USP37: variants seen among roughly 807,000 people sequenced by gnomAD.
The protein encoded by USP37 is ubiquitin carboxyl-terminal hydrolase 37.
A neutral mutation model predicts 124.0 loss-of-function variants in USP37; 27 were observed. The ratio of observed to expected loss-of-function variants is 0.22; its 90% CI spans 0.16 to 0.30. The LOEUF is 0.30. Among genes scored for constraint, USP37 ranks in the 10% least tolerant of loss-of-function variants. The probability of loss-of-function intolerance (pLI) is 1.00; values close to 1 mark genes in which losing one functional copy is unlikely to be tolerated. For synonymous variants in USP37, 365 were observed against 388.0 expected (o/e 0.94, Z 0.70); for missense variants, 889 against 1,140.4 (o/e 0.78, Z 3.17).
rs565400008 is a variant in USP37, at chr2:218,471,967, T to G, written c.2299+2663A>C. Among the ~76,000 whole-genome samples, 11 of 151,422 alleles carry G rather than the reference T, an allele frequency of 7.3e-5. No individual in the cohort carries two copies. The South Asian group carries it at 2.3e-3, about 32-fold the overall frequency. ...ATCACTTGAACCTGGGAGGCAGAGG[T>G]TGCAGTGAGCTGAGATCATGCCACT... On this transcript the variant is annotated intron_variant, in intron 20 of 25. Transcript: ENST00000258399.
intron 2 of USP37, among the ~76,000 whole-genome samples, chr2:218,562,417 C>G (rs1484509102): frequency 6.6e-6 from 1 of 152,158 alleles, no homozygotes; most frequent in East Asian, 1.9e-4. Flanking sequence ...ATTAAAATTA[C>G]TGTTCAACTT....
At chr2:218,553,427 A>C (rs62193785) in intron 5 of USP37, 126 bp downstream of exon 5, 16 of 839,242 alleles carry the variant, frequency 1.9e-5, no homozygotes, top group Non-Finnish European at 2.5e-5. Flanking sequence ...TTCAGGAATA[A>C]ATCTTATTTG....
chr2:218,551,259 T>C (rs1259441072), intron 5 of USP37, among the ~76,000 whole-genome samples: 2 of 152,244 alleles, frequency 1.3e-5, no homozygotes, highest in Non-Finnish European at 2.9e-5. Context: ...CTCTGCAAAG[T>C]ATATAATAAC....
chr2:218,459,093 A>G (rs894613522), intron 23 of USP37, among the ~76,000 whole-genome samples: 3 of 145,112 alleles, frequency 2.1e-5, no homozygotes, highest in Admixed American at 6.9e-5. Flanking sequence ...AAAAAAAAAA[A>G]CAGTTCAATG....
chr2:218,493,058 C>A (rs558020984), intron 14 of USP37, among the ~76,000 whole-genome samples: 2 of 151,986 alleles, frequency 1.3e-5, no homozygotes, highest in South Asian at 2.1e-4. Flanking sequence ...TATTAATACA[C>A]TGAATTGCCT....
chr2:218,506,431 C>T (rs180862593), intron 11 of USP37, among the ~76,000 whole-genome samples: 6 of 150,272 alleles, frequency 4.0e-5, no homozygotes, highest in Non-Finnish European at 5.9e-5. Context: ...GCTGGGATTA[C>T]GGGCACACGC....
At chr2:218,457,545 T>C (rs971626895) in intron 23 of USP37, among the ~76,000 whole-genome samples, 14 of 152,148 alleles carry the variant, frequency 9.2e-5, no homozygotes, top group African/African-American at 2.2e-4. Flanking sequence ...TGAATGCACA[T>C]AGTAACTATA....
In USP37 at chr2:218,476,799, A is replaced by G. The variant is rs544971047; in HGVS notation, c.2043+41T>C. The G allele has an allele frequency of 3.1e-5, 49 of 1,574,336 alleles. 1 individual carries two copies. In the South Asian group the frequency reaches 5.8e-4, roughly 19 times the overall value. ...GACATTTGTTTGGACAGTAAGAGATAAACAAATCTTTGTCAGATGTTTTAA... is the reference window on the plus strand; with the variant it reads ...GACATTTGTTTGGACAGTAAGAGATGAACAAATCTTTGTCAGATGTTTTAA... On this transcript the variant is annotated intron_variant, in intron 19 of 25. Transcript: ENST00000258399.
At chr2:218,566,579 T>C (rs1451385096) in intron 1 of USP37, among the ~76,000 whole-genome samples, 1 of 152,216 alleles carries the variant, frequency 6.6e-6, no homozygotes, top group Non-Finnish European at 1.5e-5. Flanking sequence ...AGTATTGAGT[T>C]GATCAGCTTA....
Position 218,488,366 on chromosome 2 carries a change from G to A in USP37, c.1528C>T (p.Pro510Ser), listed in dbSNP as rs149493650. 1 of 1,612,830 alleles carries A rather than the reference G, an allele frequency of 6.2e-7. No homozygotes were observed. The highest frequency in any genetic ancestry group is 8.5e-7 in the Non-Finnish European group (1 of 1,179,524). The change falls in exon 15 of 26, where the codon CCT becomes TCT. Residue 510 changes from proline (P) to serine (S), a missense_variant. Coordinates refer to ENST00000258399, the MANE Select transcript of USP37 (RefSeq NM_020935.3). ...GGAGGGAGTGGTTTTTTCCTACGAG[G>A]AAGGTCAATAGAGAGGTCATTAAAC... ...EQFNDLSIDL[P>S]RRKKPLPPRS...
chr2:218,512,228 T>C (rs932022645), intron 10 of USP37, among the ~76,000 whole-genome samples: 2 of 152,034 alleles, frequency 1.3e-5, no homozygotes, highest in Non-Finnish European at 2.9e-5. Flanking sequence ...AAATTAAGGC[T>C]GGGCACGGTG....
chr2:218,497,659 T>G, intron 13 of USP37, 75 bp downstream of exon 13: 1 of 1,581,394 alleles, frequency 6.3e-7, no homozygotes, highest in Non-Finnish European at 8.6e-7. Context: ...CACCTAGGCC[T>G]CCCAAAGTGC....
chr2:218,470,504 T>C (rs889982104), intron 20 of USP37, among the ~76,000 whole-genome samples: 6 of 152,244 alleles, frequency 3.9e-5, no homozygotes, highest in African/African-American at 1.2e-4. Context: ...AATTGTTTGC[T>C]TAAAATATCC....
Position 218,509,078 on chromosome 2 carries a change from T to C in USP37, c.1025+901A>G, listed in dbSNP as rs561546437. Among the ~76,000 whole-genome samples the C allele has an allele frequency of 1.2e-4, 19 of 152,292 alleles. No individual in the cohort carries two copies. The South Asian group carries it at 3.9e-3, about 32-fold the overall frequency. On this transcript the variant is annotated intron_variant, in intron 11 of 25. Transcript: ENST00000258399. ...CCAACAAGCATTAAAAACATACATA[T>C]GTGTATAACGATCTTCACTCTAGCC...
At chr2:218,562,125 G>T (rs1244563818) in intron 2 of USP37, among the ~76,000 whole-genome samples, 1 of 152,170 alleles carries the variant, frequency 6.6e-6, no homozygotes, top group Admixed American at 6.5e-5. Flanking sequence ...TTCATTACCT[G>T]CTTTTGCACT....
At chr2:218,520,127 G>A (rs758486515) in intron 10 of USP37, among the ~76,000 whole-genome samples, 7 of 151,608 alleles carry the variant, frequency 4.6e-5, no homozygotes, top group Middle Eastern at 3.4e-3. Flanking sequence ...TAGTAAAGAC[G>A]AGGTTTCACC....
chr2:218,494,564 T>C (rs678814), intron 14 of USP37, among the ~76,000 whole-genome samples: 92,249 of 152,052 alleles, frequency 0.61, 28,179 homozygotes, highest in East Asian at 0.78. Context: ...CACAGAGTAA[T>C]AGGATATGAT....
chr2:218,499,528 C>A (rs1344235278), intron 11 of USP37, among the ~76,000 whole-genome samples: 7 of 152,206 alleles, frequency 4.6e-5, no homozygotes, highest in African/African-American at 1.7e-4. Context: ...AATCAGAGTA[C>A]AATTATCAGC....
chr2:218,518,882 C>T (rs1379060764), intron 10 of USP37, among the ~76,000 whole-genome samples: 3 of 152,144 alleles, frequency 2.0e-5, no homozygotes, highest in Non-Finnish European at 4.4e-5. Context: ...AATAGTGCCA[C>T]ACTATGTCTC....
Sources: allele counts gnomAD v4.1 joint callset (sites outside exome capture counted in the v4.1 genomes callset), GRCh38; gene constraint gnomAD v4.1.1; transcripts MANE v1.5; gene names NCBI Gene and HGNC (gene_info 2026-07-23, HGNC 2026-07-21).